CDH3: variants seen among roughly 807,000 people sequenced by gnomAD.
The protein encoded by CDH3 is cadherin-3.
CDH3 carries 54 observed loss-of-function variants against 82.0 expected under a neutral mutation model. That is an observed-to-expected ratio of 0.66 (90% CI 0.53 to 0.83). CDH3 has a LOEUF of 0.83. CDH3 is among the 40% of genes least tolerant of loss of function. The pLI is 0.00. For missense variants in CDH3, 1,054 were observed against 1,084.6 expected (o/e 0.97, Z 0.40); for synonymous variants, 446 against 437.9 (o/e 1.02, Z -0.23).
intron 12 of CDH3, among the ~76,000 whole-genome samples, chr16:68,689,426 C>T (rs1358571244): frequency 1.3e-5 from 2 of 151,972 alleles, no homozygotes; most frequent in African/African-American, 4.8e-5. Context: ...ATCCCAGCTA[C>T]TCAGGAGGCT....
chr16:68,690,768 A>C (rs919821248), intron 12 of CDH3, among the ~76,000 whole-genome samples: 1 of 150,716 alleles, frequency 6.6e-6, no homozygotes, highest in East Asian at 2.1e-4. Flanking sequence ...TTAGCCAGGC[A>C]TGGTGGCGGG....
At chr16:68,729,915 T>A (rs1406537361), downstream of CDH3, among the ~76,000 whole-genome samples, 1 of 152,106 alleles carries the variant, frequency 6.6e-6, no homozygotes, top group Non-Finnish European at 1.5e-5. Flanking sequence ...ACTACAGGTG[T>A]GAGCCATCAC....
At chr16:68,672,053 G>A (rs1005801204) in intron 2 of CDH3, among the ~76,000 whole-genome samples, 4 of 151,940 alleles carry the variant, frequency 2.6e-5, no homozygotes, top group African/African-American at 4.8e-5. Context: ...TTAGCCGGGC[G>A]AGGTGGCGGG....
chr16:68,702,260 G>C (rs943631062), downstream of CDH3, among the ~76,000 whole-genome samples: 1 of 152,046 alleles, frequency 6.6e-6, no homozygotes, highest in Non-Finnish European at 1.5e-5. Context: ...AACACATCCA[G>C]TTTGGATGTG....
chr16:68,715,556 A>G (rs1962085099), intron 1 of CDH3, among the ~76,000 whole-genome samples: 1 of 152,154 alleles, frequency 6.6e-6, no homozygotes, highest in African/African-American at 2.4e-5. Context: ...ATCTTCTCCC[A>G]GAGACATAGC....
At position 68,682,382 on chromosome 16, in the gene CDH3, A is replaced by G; in HGVS notation, c.1077A>G (p.Ser359=). 3 of 1,614,020 alleles carry G rather than the reference A, an allele frequency of 1.9e-6. No homozygotes were observed. The highest frequency in any genetic ancestry group is 2.5e-6 in the Non-Finnish European group (3 of 1,180,008). Residue 359 remains serine, a synonymous_variant, in exon 9 of 16, where the codon TCA becomes TCG. Transcript: ENST00000264012. ...LTVTDLDAPN[S]PAWRATYLIM... The stretch of plus-strand genomic sequence containing the variant: ...TCACTGATCTGGACGCCCCCAACTC[A>G]CCAGCGTGGCGTGCCACCTACCTTA...
intron 1 of CDH3, among the ~76,000 whole-genome samples, chr16:68,713,843 T>C: frequency 6.6e-6 from 1 of 152,146 alleles, no homozygotes. Context: ...TTACCTTTGC[T>C]TGTGCTGTTT....
chr16:68,731,840 A>T (rs893499911), downstream of CDH3, among the ~76,000 whole-genome samples: 4 of 152,042 alleles, frequency 2.6e-5, no homozygotes, highest in African/African-American at 9.7e-5. Context: ...CCTGTCTCAA[A>T]AACAAACAAA....
chr16:68,650,520 C>T (rs1960207762), intron 2 of CDH3, among the ~76,000 whole-genome samples: 1 of 152,138 alleles, frequency 6.6e-6, no homozygotes, highest in African/African-American at 2.4e-5. Flanking sequence ...AGGCTGGTGT[C>T]GAACTCCCGA....
chr16:68,675,055 G>T (rs1459125968), intron 2 of CDH3, among the ~76,000 whole-genome samples: 2 of 151,270 alleles, frequency 1.3e-5, no homozygotes, highest in Non-Finnish European at 3.0e-5. Context: ...GGAGGTTGCA[G>T]TGAGCCGAGA....
At chr16:68,725,179 C>T (rs1962205880) in intron 2 of CDH3, among the ~76,000 whole-genome samples, 1 of 152,180 alleles carries the variant, frequency 6.6e-6, no homozygotes, top group South Asian at 2.1e-4. Flanking sequence ...CCCCACTTTC[C>T]AGGGGGCTTA....
Position 68,682,439 on chromosome 16 carries a change from C to T in CDH3, c.1134C>T (p.Thr378=), listed in dbSNP as rs770048410. The change falls in exon 9 of 16, where the codon ACC becomes ACT. Residue 378 remains threonine (T), a synonymous_variant. Coordinates refer to ENST00000264012, the MANE Select transcript of CDH3 (RefSeq NM_001793.6). ...IMGGDDGDHF[T]ITTHPESNQG... ...GCGGTGACGACGGGGACCATTTTACCATCACCACCCACCCTGAGAGCAACC... is the reference window on the plus strand; with the variant it reads ...GCGGTGACGACGGGGACCATTTTACTATCACCACCCACCCTGAGAGCAACC... 5 of 1,614,122 alleles carry T rather than the reference C, an allele frequency of 3.1e-6. No homozygotes were observed. The highest frequency in any genetic ancestry group is 1.1e-5 in the South Asian group (1 of 91,072).
rs1258320958 is a variant in CDH3 at position 68,678,157 on chromosome 16, G to A, written c.270G>A (p.Arg90=). ...AGGAAAGAAGGTCACTGAAGGAAAG[G>A]AATCCATTGAAGATCTTCCCATCCA... ...TVQERRSLKE[R]NPLKIFPSKR... Residue 90 remains arginine (R), a synonymous_variant, in exon 4 of 16, where the codon AGG becomes AGA. Coordinates refer to ENST00000264012, the MANE Select transcript of CDH3 (RefSeq NM_001793.6). The A allele has an allele frequency of 1.2e-6, 2 of 1,614,008 alleles. No individual in the cohort carries two copies. The highest frequency in any genetic ancestry group is 1.7e-6 in the Non-Finnish European group (2 of 1,179,904).
intron 8 of CDH3, among the ~76,000 whole-genome samples, chr16:68,681,688 A>G (rs1961233586): frequency 6.6e-6 from 1 of 152,144 alleles, no homozygotes; most frequent in Non-Finnish European, 1.5e-5. Context: ...AAATACAAAA[A>G]TTAACCAGGT....
chr16:68,658,471 C>T (rs185398567), intron 2 of CDH3, among the ~76,000 whole-genome samples: 27 of 152,234 alleles, frequency 1.8e-4, no homozygotes, highest in Admixed American at 1.4e-3. Context: ...TATGAGAGGG[C>T]GGCTGGCTGG....
At chr16:68,722,127 A>T (rs921572652) in intron 1 of CDH3, among the ~76,000 whole-genome samples, 11 of 152,100 alleles carry the variant, frequency 7.2e-5, no homozygotes, top group Non-Finnish European at 5.9e-5. Flanking sequence ...ATCCTTGCTT[A>T]TTGCTCTGGG....
intron 2 of CDH3, among the ~76,000 whole-genome samples, chr16:68,674,294 G>C (rs192706748): frequency 1.1e-3 from 162 of 152,238 alleles, no homozygotes; most frequent in African/African-American, 3.8e-3. Flanking sequence ...ATGATATTGA[G>C]CATCTTTTCA....
intron 2 of CDH3, among the ~76,000 whole-genome samples, chr16:68,657,192 G>T (rs1960429099): frequency 6.6e-6 from 1 of 152,102 alleles, no homozygotes; most frequent in Admixed American, 6.6e-5. Flanking sequence ...TGCTTGGGCA[G>T]TGAACCAGAA....
chr16:68,706,750 C>T (rs917496981), intron 1 of CDH3, among the ~76,000 whole-genome samples: 36 of 151,980 alleles, frequency 2.4e-4, no homozygotes, highest in Non-Finnish European at 4.6e-4. Context: ...GATAGGATTT[C>T]GCCATGTTGG....
Sources: gnomAD v4.1 joint callset for allele counts (sites outside exome capture counted in the v4.1 genomes callset) on GRCh38, gnomAD v4.1.1 for gene constraint, MANE v1.5 for transcripts, NCBI Gene and HGNC (gene_info 2026-07-23, HGNC 2026-07-21) for gene names.